Variants in CFAP57 observed in about 807,000 individuals in gnomAD.
CFAP57 encodes cilia and flagella associated protein 57, also known as cilia- and flagella-associated protein 57.
CFAP57 carries 116 observed loss-of-function variants against 146.8 expected under a neutral mutation model. The ratio of observed to expected loss-of-function variants is 0.79; its 90% confidence interval spans 0.68 to 0.92. The LOEUF (loss-of-function observed/expected upper bound fraction) is 0.92. Ranked by LOEUF, CFAP57 falls within the 40% of genes least tolerant of loss-of-function variation. CFAP57 has a pLI of 0.00. For synonymous variants in CFAP57, 518 were observed against 552.8 expected, an observed-to-expected ratio of 0.94 and a Z score of 0.88; for missense variants, 1,377 against 1,527.2, an observed-to-expected ratio of 0.90 and a Z score of 1.64.
intron 18 of CFAP57, among the ~76,000 whole-genome samples, chr1:43,229,449 G>A (rs116476719): frequency 2.7e-5 from 4 of 148,660 alleles, no homozygotes; most frequent in African/African-American, 1.0e-4. Flanking sequence ...TGACCTTGGG[G>A]CTTCCCTCTG....
At chr1:43,180,343 T>G (rs1264331518) in intron 2 of CFAP57, among the ~76,000 whole-genome samples, 1 of 151,718 alleles carries the variant, frequency 6.6e-6, no homozygotes, top group African/African-American at 2.4e-5. Context: ...TTCACCATTA[T>G]ATATTCATGT....
At chr1:43,210,782 C>G (rs993802105) in intron 11 of CFAP57, 4 of 152,222 alleles carry the variant, frequency 2.6e-5, no homozygotes, top group Admixed American at 2.0e-4. Context: ...TATTTAATAA[C>G]ATGAACTGTA....
intron 10 of CFAP57, among the ~76,000 whole-genome samples, chr1:43,208,877 C>T (rs748153937): frequency 4.6e-5 from 7 of 151,926 alleles, no homozygotes; most frequent in Admixed American, 6.6e-5. Context: ...AATGAAGGGG[C>T]GCTCTGATAG....
At chr1:43,172,946 GTATGTGCCACA>G in intron 2 of CFAP57, 36 bp downstream of exon 2, 1 of 1,588,294 alleles carries the variant, frequency 6.3e-7, no homozygotes, top group Non-Finnish European at 8.6e-7. Flanking sequence ...TACAGGAATG[GTATGTGCCACA>G]TATAACCCCA....
chr1:43,180,119 T>G (rs1645331481), intron 2 of CFAP57, among the ~76,000 whole-genome samples: 1 of 151,508 alleles, frequency 6.6e-6, no homozygotes, highest in African/African-American at 2.4e-5. Context: ...GGCAGGAGAA[T>G]CACCTGAACC....
intron 6 of CFAP57, 125 bp downstream of exon 6, chr1:43,186,984 A>G: frequency 8.9e-7 from 1 of 1,123,286 alleles, no homozygotes; most frequent in Non-Finnish European, 1.3e-6. Flanking sequence ...CTTAATACAG[A>G]GCAAAACAAA....
At chr1:43,208,405 CAAT>C (rs1471701605) in intron 10 of CFAP57, among the ~76,000 whole-genome samples, 1 of 152,030 alleles carries the variant, frequency 6.6e-6, no homozygotes, top group Admixed American at 6.6e-5. Flanking sequence ...CAACCCAAAT[CAAT>C]GATAGACTGG....
chr1:43,178,563 T>C (rs2124238153), intron 2 of CFAP57, among the ~76,000 whole-genome samples: 1 of 152,160 alleles, frequency 6.6e-6, no homozygotes, highest in South Asian at 2.1e-4. Context: ...ATCAGAGAAA[T>C]GCAAATCAAA....
At position 43,236,388 on chromosome 1, in the gene CFAP57, A is replaced by T. The variant is rs368263451; in HGVS notation, c.3405+1750A>T. On this transcript the variant is annotated intron_variant, in intron 21 of 22. Coordinates refer to ENST00000372492, the MANE Select transcript of CFAP57 (RefSeq NM_001378189.1). ...GATTTAAAAAAAAGAAAAGTTTTCA[A>T]AACCACTGTGCCGACCCTGGTTTAC... Among the ~76,000 whole-genome samples, 44 of 152,080 alleles carry T rather than the reference A, an allele frequency of 2.9e-4. No homozygotes were observed. The East Asian group carries it at 8.3e-3, about 29-fold the overall frequency.
intron 12 of CFAP57, among the ~76,000 whole-genome samples, chr1:43,218,540 C>G (rs1353821793): frequency 6.6e-6 from 1 of 151,116 alleles, no homozygotes; most frequent in Non-Finnish European, 1.5e-5. Flanking sequence ...CCCAGGAGGT[C>G]AAGGCTACAG....
chr1:43,239,049 C>T (rs1280579969), intron 21 of CFAP57, among the ~76,000 whole-genome samples: 4 of 152,002 alleles, frequency 2.6e-5, no homozygotes, highest in African/African-American at 9.7e-5. Flanking sequence ...GCCTGGAACA[C>T]TCTTCTCCTC....
At chr1:43,175,490 GT>G (rs559984515) in intron 2 of CFAP57, among the ~76,000 whole-genome samples, 1,491 of 123,870 alleles carry the variant, frequency 0.012, 11 homozygotes, top group Admixed American at 0.028. Context: ...CATCCTTCCA[GT>G]TTTTTATTTT....
intron 8 of CFAP57, 136 bp downstream of exon 8, chr1:43,198,782 A>G: frequency 5.7e-6 from 5 of 884,012 alleles, no homozygotes; most frequent in Non-Finnish European, 9.0e-6. Context: ...AAAAGGGGGA[A>G]GGAGGAAATC....
intron 14 of CFAP57, 43 bp from the exon 15 acceptor site, chr1:43,222,062 G>C: frequency 2.7e-6 from 4 of 1,502,074 alleles, no homozygotes; most frequent in Non-Finnish European, 3.6e-6. Context: ...CCTGAAGCAA[G>C]TGCTGCTCTC....
intron 5 of CFAP57, 21 bp downstream of exon 5, chr1:43,185,377 A>G: frequency 1.9e-6 from 3 of 1,611,110 alleles, no homozygotes; most frequent in South Asian, 2.2e-5. Context: ...AAGAAAAAAA[A>G]GAAGTAAAAT....
chr1:43,227,356 A>G (rs1417893180), intron 18 of CFAP57, among the ~76,000 whole-genome samples: 1 of 152,218 alleles, frequency 6.6e-6, no homozygotes, highest in Non-Finnish European at 1.5e-5. Flanking sequence ...CGGGACCTGG[A>G]GATGGGCTTT....
intron 6 of CFAP57, 32 bp downstream of exon 6, chr1:43,186,891 C>T (rs1239482405): frequency 6.2e-7 from 1 of 1,613,528 alleles, no homozygotes; most frequent in Admixed American, 1.7e-5. Context: ...CCTTCCAGAC[C>T]AGGACCTATC....
intron 12 of CFAP57, among the ~76,000 whole-genome samples, chr1:43,216,543 A>G (rs1644839545): frequency 6.6e-6 from 1 of 152,188 alleles, no homozygotes; most frequent in African/African-American, 2.4e-5. Flanking sequence ...GAAGGTGCCC[A>G]AGCTGGCTTC....
At chr1:43,191,333 A>G (rs2124371488) in intron 6 of CFAP57, among the ~76,000 whole-genome samples, 1 of 152,282 alleles carries the variant, frequency 6.6e-6, no homozygotes, top group East Asian at 1.9e-4. Context: ...CACGCCTGCA[A>G]TCCCAGCACT....
Sources: allele counts gnomAD v4.1 joint callset (sites outside exome capture counted in the v4.1 genomes callset), GRCh38; gene constraint gnomAD v4.1.1; transcripts MANE v1.5; gene names NCBI Gene and HGNC (gene_info 2026-07-23, HGNC 2026-07-21).